Variants in STAC observed in about 807,000 individuals in gnomAD.
STAC encodes SH3 and cysteine rich domain, also known as SH3 and cysteine-rich domain-containing protein.
In STAC, 43 loss-of-function variants were observed where a neutral mutation model predicts 48.8. The observed-to-expected ratio is 0.88, with a 90% CI of 0.69 to 1.14. The LOEUF (loss-of-function observed/expected upper bound fraction) is 1.14, where lower values mean the gene tolerates loss of function less well. Ranked by LOEUF, STAC falls within the 50% of genes most tolerant of loss-of-function variation. The pLI is 0.00. For synonymous variants in STAC, 193 were observed against 179.5 expected, an observed-to-expected ratio of 1.07 and a Z score of -0.60; for missense variants, 497 against 504.0, an observed-to-expected ratio of 0.99 and a Z score of 0.13.
intron 2 of STAC, among the ~76,000 whole-genome samples, chr3:36,448,600 A>G (rs973696956): frequency 6.6e-6 from 1 of 152,142 alleles, no homozygotes; most frequent in South Asian, 2.1e-4. Flanking sequence ...CAGATAAGGA[A>G]TGTTTGCAGG....
chr3:36,523,635 A>T (rs1288994035), intron 8 of STAC, among the ~76,000 whole-genome samples: 1 of 152,220 alleles, frequency 6.6e-6, no homozygotes, highest in Admixed American at 6.5e-5. Context: ...GACTTTTCTC[A>T]AATGTGCCTG....
chr3:36,415,809 A>G (rs1327634353), intron 1 of STAC, among the ~76,000 whole-genome samples: 1 of 152,018 alleles, frequency 6.6e-6, no homozygotes, highest in African/African-American at 2.4e-5. Context: ...CAAGGAGAAG[A>G]AGGAATCCAA....
chr3:36,481,355 A>G (rs1697641669), intron 2 of STAC, among the ~76,000 whole-genome samples: 1 of 152,166 alleles, frequency 6.6e-6, no homozygotes, highest in Non-Finnish European at 1.5e-5. Context: ...AGAAATAGAG[A>G]TGATTTGATT....
At chr3:36,492,337 G>A (rs557665496) in intron 5 of STAC, among the ~76,000 whole-genome samples, 2 of 152,094 alleles carry the variant, frequency 1.3e-5, no homozygotes, top group South Asian at 4.2e-4. Flanking sequence ...AATGAATAAA[G>A]CACAATGCTT....
chr3:36,522,458 T>C (rs1698829940), intron 8 of STAC, among the ~76,000 whole-genome samples: 1 of 152,222 alleles, frequency 6.6e-6, no homozygotes, highest in Admixed American at 6.5e-5. Flanking sequence ...GTAAGTGCTA[T>C]TATCCTAACC....
chr3:36,420,166 C>T (rs1200238504), intron 1 of STAC, among the ~76,000 whole-genome samples: 2 of 152,126 alleles, frequency 1.3e-5, no homozygotes, highest in Non-Finnish European at 2.9e-5. Flanking sequence ...CCTCTTCTAT[C>T]CTAAGTAAGA....
intron 1 of STAC, among the ~76,000 whole-genome samples, chr3:36,382,707 A>C (rs1011009440): frequency 2.6e-5 from 4 of 152,188 alleles, no homozygotes; most frequent in Non-Finnish European, 2.9e-5. Flanking sequence ...CTAAACTGCT[A>C]GTAGGGAGGA....
At chr3:36,503,111 A>G (rs1370386309) in intron 6 of STAC, among the ~76,000 whole-genome samples, 8 of 152,200 alleles carry the variant, frequency 5.3e-5, no homozygotes, top group Admixed American at 5.2e-4. Context: ...CTCTACTGAC[A>G]TTTCTTTGAT....
chr3:36,435,130 C>T (rs1430846839), intron 1 of STAC, among the ~76,000 whole-genome samples: 4 of 152,150 alleles, frequency 2.6e-5, no homozygotes, highest in Non-Finnish European at 5.9e-5. Context: ...AAAATGAACA[C>T]TCTGAGCTAC....
chr3:36,413,346 A>T (rs1323369310), intron 1 of STAC, among the ~76,000 whole-genome samples: 1 of 152,154 alleles, frequency 6.6e-6, no homozygotes, highest in Non-Finnish European at 1.5e-5. Context: ...TACTTTATGA[A>T]TCTGGGTGTT....
At chr3:36,487,675 T>G (rs968631155) in intron 5 of STAC, among the ~76,000 whole-genome samples, 4 of 152,262 alleles carry the variant, frequency 2.6e-5, no homozygotes, top group African/African-American at 9.6e-5. Flanking sequence ...CACTTTTATA[T>G]GTCTTATCCC....
At chr3:36,418,975 A>G (rs1416165462) in intron 1 of STAC, among the ~76,000 whole-genome samples, 1 of 147,606 alleles carries the variant, frequency 6.8e-6, no homozygotes, top group East Asian at 2.0e-4. Flanking sequence ...TGAACCTGAG[A>G]GGCGGAGGTT....
chr3:36,483,746 G>A (rs1697721424), intron 3 of STAC, among the ~76,000 whole-genome samples: 1 of 152,178 alleles, frequency 6.6e-6, no homozygotes, highest in African/African-American at 2.4e-5. Flanking sequence ...AAGCCCAGGA[G>A]TTCGAGACCA....
intron 1 of STAC, among the ~76,000 whole-genome samples, chr3:36,396,433 TA>T (rs1248915437): frequency 6.6e-6 from 1 of 152,170 alleles, no homozygotes; most frequent in East Asian, 1.9e-4. Context: ...AATTTTCTGA[TA>T]ACACATTATT....
intron 2 of STAC, among the ~76,000 whole-genome samples, chr3:36,462,596 A>G (rs73824591): frequency 2.2e-4 from 33 of 152,264 alleles, no homozygotes; most frequent in African/African-American, 7.9e-4. Flanking sequence ...GGAAGGAGTG[A>G]CCAGTGTGGT....
chr3:36,422,587 G>A (rs73830333), intron 1 of STAC, among the ~76,000 whole-genome samples: 3,569 of 152,030 alleles, frequency 0.023, 61 homozygotes, highest in East Asian at 0.026. Context: ...AAACATTTAC[G>A]TATATAAAAA....
intron 1 of STAC, among the ~76,000 whole-genome samples, chr3:36,396,851 C>G (rs1699867271): frequency 1.3e-5 from 2 of 152,178 alleles, no homozygotes; most frequent in South Asian, 4.1e-4. Context: ...TTTCCTCGCA[C>G]TAATGACTCT....
intron 2 of STAC, among the ~76,000 whole-genome samples, chr3:36,470,732 A>G (rs1191237442): frequency 1.3e-5 from 2 of 152,232 alleles, no homozygotes; most frequent in African/African-American, 4.8e-5. Flanking sequence ...TGTCTCCCCA[A>G]GTGGGATCTG....
chr3:36,428,131 A>G (rs1487483056), intron 1 of STAC, among the ~76,000 whole-genome samples: 1 of 152,224 alleles, frequency 6.6e-6, no homozygotes, highest in East Asian at 1.9e-4. Context: ...TGCTCTGCTC[A>G]TCTCTTGTCC....
Sources: gnomAD v4.1 joint callset for allele counts (sites outside exome capture counted in the v4.1 genomes callset) on GRCh38, gnomAD v4.1.1 for gene constraint, MANE v1.5 for transcripts, NCBI Gene and HGNC (gene_info 2026-07-23, HGNC 2026-07-21) for gene names.